Variants in TENT2 observed in about 807,000 individuals in gnomAD.
The protein encoded by TENT2 is poly(A) RNA polymerase GLD2.
In TENT2, 44 loss-of-function variants were observed where a neutral mutation model predicts 72.2. That is an observed-to-expected ratio of 0.61 (90% CI 0.48 to 0.78). The LOEUF is 0.78. Among genes scored for constraint, TENT2 ranks in the 30% least tolerant of loss-of-function variants. The pLI is 0.00. For missense variants in TENT2, 541 were observed against 569.6 expected, an observed-to-expected ratio of 0.95 and a Z score of 0.51; for synonymous variants, 212 against 192.5, an observed-to-expected ratio of 1.10 and a Z score of -0.84.
rs1331787707 is a variant in TENT2, at chr5:79,686,797, CAT to C, written c.*1526_*1527del. 6.6e-6 allele frequency: 1 copy of C among 152,146 alleles called. No individual in the cohort carries two copies. The highest frequency in any genetic ancestry group is 1.9e-4 in the East Asian group (1 of 5,198). 9.4% of individuals were successfully genotyped at this position (152,146 alleles called of 1,614,324 possible). A position where few individuals can be genotyped will look rare whatever the true frequency, so the allele number is the denominator to read the frequency against. On this transcript the variant is annotated 3_prime_UTR_variant, in exon 15 of 15. Transcript: ENST00000453514. Reference sequence around the variant, plus strand: ...GCATTATGAGGAATGAAAGTTTACACATAGTGAATTTTTTAGATTCCTGATGT... The same window carrying C: ...GCATTATGAGGAATGAAAGTTTACACAGTGAATTTTTTAGATTCCTGATGT...
chr5:79,659,553 A>AATAT (rs1561546934), intron 11 of TENT2, among the ~76,000 whole-genome samples: 7 of 26,858 alleles, frequency 2.6e-4, no homozygotes, highest in Non-Finnish European at 2.8e-4. Context: ...AAAAAAAAAA[A>AATAT]ATGTATATAT....
chr5:79,661,027 T>C (rs1000254406), intron 11 of TENT2, among the ~76,000 whole-genome samples: 2 of 152,114 alleles, frequency 1.3e-5, no homozygotes, highest in African/African-American at 2.4e-5. Flanking sequence ...GAAAATCTTA[T>C]AGAATAAGGA....
intron 4 of TENT2, among the ~76,000 whole-genome samples, chr5:79,634,088 G>A (rs1396426325): frequency 2.0e-5 from 3 of 149,948 alleles, no homozygotes; most frequent in Admixed American, 6.6e-5. Context: ...CCTGGAAGGC[G>A]GAGCTTGCAG....
chr5:79,616,572 C>G (rs1760262450), intron 1 of TENT2, among the ~76,000 whole-genome samples: 1 of 152,156 alleles, frequency 6.6e-6, no homozygotes, highest in African/African-American at 2.4e-5. Context: ...CCTGCCTCAG[C>G]CTCCCAAGGG....
At chr5:79,665,982 TTC>T (rs1374546587) in intron 11 of TENT2, among the ~76,000 whole-genome samples, 2 of 151,746 alleles carry the variant, frequency 1.3e-5, no homozygotes, top group Non-Finnish European at 2.9e-5. Context: ...CTTTTTTTTT[TTC>T]TTTCTTTTTT....
At position 79,682,052 on chromosome 5, in the gene TENT2, A is replaced by G. The variant is rs752635254; in HGVS notation, c.1371A>G (p.Gln457=). 4.8e-5 allele frequency: 77 copies of G among 1,611,560 alleles called. No individual in the cohort carries two copies. In the East Asian group the frequency reaches 1.5e-3, roughly 31 times the overall value. ...AGAAATTTGATATGATCAAGGATCA[A>G]TTTTTAAAGGTAAACAATGCATTAG... ...EKQKFDMIKD[Q]FLKSWHRLKN... is the part of the protein sequence containing the mutation. Residue 457 remains glutamine, a synonymous_variant, in exon 14 of 15, where the codon CAA becomes CAG. Coordinates refer to ENST00000453514, the MANE Select transcript of TENT2 (RefSeq NM_001114394.3).
chr5:79,671,605 C>T (rs1812996555), intron 12 of TENT2, among the ~76,000 whole-genome samples: 1 of 151,862 alleles, frequency 6.6e-6, no homozygotes, highest in African/African-American at 2.4e-5. Context: ...GATGGGGTTT[C>T]ACCATATTGG....
At chr5:79,646,467 C>T (rs1789111241) in intron 8 of TENT2, among the ~76,000 whole-genome samples, 2 of 152,202 alleles carry the variant, frequency 1.3e-5, no homozygotes, top group African/African-American at 2.4e-5. Flanking sequence ...CTTTATAGAA[C>T]GTAGCTACTA....
At chr5:79,659,904 C>T (rs903482896) in intron 11 of TENT2, among the ~76,000 whole-genome samples, 1 of 151,534 alleles carries the variant, frequency 6.6e-6, no homozygotes, top group Non-Finnish European at 1.5e-5. Flanking sequence ...GCAGCAGTTA[C>T]GGCAGAATTT....
intron 3 of TENT2, among the ~76,000 whole-genome samples, chr5:79,622,242 C>T (rs1243747835): frequency 6.6e-6 from 1 of 151,876 alleles, no homozygotes; most frequent in African/African-American, 2.4e-5. Context: ...GCAGAGGTTG[C>T]GGTGAGCTGA....
rs999037592 is a variant in TENT2 at position 79,620,137 on chromosome 5, G to T, written c.227+54G>T. The T allele has an allele frequency of 1.1e-5, 13 of 1,202,606 alleles. No individual in the cohort carries two copies. In the African/African-American group the frequency reaches 2.0e-4, roughly 18 times the overall value. The allele number at this position is 1,202,606 out of a possible 1,614,324, so 74.5% of individuals were successfully genotyped here. A position where few individuals can be genotyped will look rare whatever the true frequency, so the allele number is the denominator to read the frequency against. ...ATATTTTTGCATTTCTGAGAACTCT[G>T]TAATGATGTATCTTGAATTAATATT... On this transcript the variant is annotated intron_variant, in intron 3 of 14. Transcript: ENST00000453514.
chr5:79,682,726 A>G (rs1047426531), intron 14 of TENT2, among the ~76,000 whole-genome samples: 1 of 152,136 alleles, frequency 6.6e-6, no homozygotes, highest in Non-Finnish European at 1.5e-5. Context: ...GCTTTTTCTA[A>G]TGTATACCCC....
intron 12 of TENT2, among the ~76,000 whole-genome samples, chr5:79,676,130 GTATATATACATA>G (rs1198930355): frequency 4.8e-5 from 7 of 146,024 alleles, no homozygotes; most frequent in Admixed American, 2.1e-4. Context: ...AATTTTACTA[GTATATATACATA>G]TATATATACA....
chr5:79,666,147 T>A lies in TENT2; in HGVS notation c.1072-2745T>A, dbSNP rs548340714. On this transcript the variant is annotated intron_variant, in intron 11 of 14. Coordinates refer to ENST00000453514, the MANE Select transcript of TENT2 (RefSeq NM_001114394.3). ...GGGATTACAGGCGCCCGCCACCATG[T>A]CCAGCTAATTTTTGTATTTTTAGTA... Among the ~76,000 whole-genome samples the A allele has an allele frequency of 2.2e-4, 34 of 151,352 alleles. 1 individual carries two copies. The highest frequency in any genetic ancestry group is 2.0e-3 in the Admixed American group (30 of 15,200).
At position 79,668,931 on chromosome 5, in the gene TENT2, C is replaced by G. The variant is rs1810669294; in HGVS notation, c.1111C>G (p.Gln371Glu). 1.9e-6 allele frequency: 3 copies of G among 1,613,764 alleles called. No homozygotes were observed. The highest frequency in any genetic ancestry group is 2.5e-6 in the Non-Finnish European group (3 of 1,179,762). Reference protein sequence around the residue: ...SPAIQLHLVHQAPCNVPPYLS... With the variant: ...SPAIQLHLVHEAPCNVPPYLS... ...TGCTATACAGCTGCACCTTGTACAT[C>G]AAGCTCCATGTAATGTTCCTCCTTA... The change falls in exon 12 of 15, where the codon CAA (glutamine) becomes GAA (glutamate). Residue 371 changes from glutamine (Q) to glutamate (E), a missense_variant. Transcript: ENST00000453514.
intron 12 of TENT2, among the ~76,000 whole-genome samples, 172 bp from the exon 13 acceptor site, chr5:79,679,407 T>G (rs970877573): frequency 5.3e-5 from 8 of 151,288 alleles, no homozygotes; most frequent in Non-Finnish European, 1.2e-4. Flanking sequence ...TGATAAGTGT[T>G]GTGGAAAAAA....
chr5:79,677,107 A>G (rs1817872119), intron 12 of TENT2, among the ~76,000 whole-genome samples: 1 of 152,240 alleles, frequency 6.6e-6, no homozygotes, highest in African/African-American at 2.4e-5. Flanking sequence ...CAAAGAGTAT[A>G]CAATTATATG....
chr5:79,653,585 A>C (rs1160628107), intron 10 of TENT2, among the ~76,000 whole-genome samples: 5 of 152,196 alleles, frequency 3.3e-5, no homozygotes, highest in Non-Finnish European at 7.4e-5. Context: ...TATTTTTGAC[A>C]GAGTAGTCCC....
intron 12 of TENT2, among the ~76,000 whole-genome samples, chr5:79,672,565 T>G (rs1403127276): frequency 6.6e-6 from 1 of 152,208 alleles, no homozygotes; most frequent in Non-Finnish European, 1.5e-5. Flanking sequence ...ACATGTGAAG[T>G]TTGTCTTTGT....
Sources: gnomAD v4.1 joint callset for allele counts (sites outside exome capture counted in the v4.1 genomes callset) on GRCh38, gnomAD v4.1.1 for gene constraint, MANE v1.5 for transcripts, NCBI Gene and HGNC (gene_info 2026-07-23, HGNC 2026-07-21) for gene names.